Variants in P2RX2 observed in about 807,000 individuals in gnomAD.
P2RX2 encodes the protein purinergic receptor P2X 2.
Under a neutral mutation model 54.8 loss-of-function variants are expected in P2RX2, and 50 were observed. The ratio of observed to expected loss-of-function variants is 0.91; its 90% CI spans 0.73 to 1.15. P2RX2 has a LOEUF of 1.15. P2RX2 is among the 50% of genes most tolerant of loss of function. The pLI is 0.00. For missense variants in P2RX2, 658 were observed against 633.2 expected (o/e 1.04, Z -0.42); for synonymous variants, 289 against 259.4 (o/e 1.11, Z -1.09).
chr12:132,621,419 C>T (rs1270466785), intron 9 of P2RX2, 56 bp from the exon 10 acceptor site: 1 of 1,597,902 alleles, frequency 6.3e-7, no homozygotes, highest in East Asian at 2.2e-5. Context: ...CCACCCCTCC[C>T]TTAAGCCCCA....
chr12:132,620,651 A>G (rs988093136), intron 7 of P2RX2, 68 bp downstream of exon 7: 18 of 1,528,268 alleles, frequency 1.2e-5, no homozygotes, highest in Non-Finnish European at 1.5e-5. Context: ...CCTGGGGTAC[A>G]GGGGACCAGT....
chr12:132,622,287 A>AGGGG lies in P2RX2; in HGVS notation c.*315_*316insGGGG. ...CTGCTCCCGGTCTTGGGCCCTGGGA[A>AGGGG]CCCCACCCCACCCCACCCCACAGGC... is the stretch of plus-strand genomic sequence containing the variant. On this transcript the variant is annotated 3_prime_UTR_variant, in exon 11 of 11. Coordinates refer to ENST00000643471, the MANE Select transcript of P2RX2 (RefSeq NM_170682.4). 3 of 1,077,366 alleles carry AGGGG rather than the reference A, an allele frequency of 2.8e-6. No homozygotes were observed. The highest frequency in any genetic ancestry group is 3.6e-6 in the Non-Finnish European group (3 of 836,324). 66.7% of individuals were successfully genotyped at this position (1,077,366 alleles called of 1,614,324 possible).
chr12:132,621,807 T>G lies in P2RX2; in HGVS notation c.1251T>G (p.Pro417=). Residue 417 remains proline (P), a synonymous_variant, in exon 11 of 11, where the codon CCT becomes CCG. Transcript: ENST00000643471. ...GCTCCGAGGACCAGCACCCCAGCCC[T>G]CCATCAGGCCAGGAGGGCCAACAAG... ...GHRSEDQHPS[P]PSGQEGQQGA... 6.2e-7 allele frequency: 1 copy of G among 1,605,688 alleles called. No individual in the cohort carries two copies. The highest frequency in any genetic ancestry group is 1.1e-5 in the South Asian group (1 of 90,162).
In P2RX2 at chr12:132,621,952, A is replaced by C. The variant is rs1326556794; in HGVS notation, c.1396A>C (p.Lys466Gln). ...CCAAGCCTCCACACCCACAGACCCC[A>C]AAGGTTTGGCTCAACTCTGAGCTCC... Reference protein sequence around the residue: ...PAQASTPTDPKGLAQL With the variant: ...PAQASTPTDPQGLAQL Residue 466 changes from lysine to glutamine, a missense_variant, in exon 11 of 11, where the codon AAA becomes CAA. Lys to Gln is a moderately conservative substitution (Grantham distance 53). Transcript: ENST00000643471. 6.2e-7 allele frequency: 1 copy of C among 1,613,720 alleles called. No homozygotes were observed. Among genetic ancestry groups the C allele is most frequent in the Admixed American group, 1.7e-5 (1 of 60,024 alleles).
Position 132,618,934 on chromosome 12 carries a change from C to A in P2RX2, c.118C>A (p.Arg40Ser), listed in dbSNP as rs747266387. 7.5e-6 allele frequency: 10 copies of A among 1,325,428 alleles called. No homozygotes were observed. Among genetic ancestry groups the A allele is most frequent in the Non-Finnish European group, 7.8e-6 (8 of 1,029,324 alleles). The allele number at this position is 1,325,428 out of a possible 1,614,324, so 82.1% of individuals were successfully genotyped here. A position where few individuals can be genotyped will look rare whatever the true frequency, so the allele number is the denominator to read the frequency against. The change falls in exon 1 of 11, where the codon CGC (arginine) becomes AGC (serine). Residue 40 changes from arginine (R) to serine (S), a missense_variant. Coordinates refer to ENST00000643471, the MANE Select transcript of P2RX2 (RefSeq NM_170682.4). ...CAAGGTGATCGTGGTGAGGAACCGGCGCCTGGGGGTCCTGTACCGCGCCGT... is the reference window on the plus strand; with the variant it reads ...CAAGGTGATCGTGGTGAGGAACCGGAGCCTGGGGGTCCTGTACCGCGCCGT... ...TPKVIVVRNR[R>S]LGVLYRAVQL...
chr12:132,620,875 ACCCGGGC>A (rs1566296652), intron 7 of P2RX2, 119 bp from the exon 8 acceptor site: 3 of 952,228 alleles, frequency 3.2e-6, no homozygotes, highest in Non-Finnish European at 4.2e-6. Context: ...CCTGGGACTG[ACCCGGGC>A]TCTCGAGGGG....
At position 132,621,662 on chromosome 12, in the gene P2RX2, A is replaced by G. The variant is rs113241189; in HGVS notation, c.1106A>G (p.Lys369Arg). The G allele has an allele frequency of 3.1e-6, 5 of 1,613,818 alleles. No homozygotes were observed. ...TGGATCTTGCTAACATTCATGAACA[A>G]AAACAAGGTCTACAGCCATAAGAAA... ...CDWILLTFMN[K>R]NKVYSHKKFD... Residue 369 changes from lysine to arginine, a missense_variant, in exon 11 of 11, where the codon AAA (lysine) becomes AGA (arginine). By Grantham distance (26) the Lys-to-Arg change is conservative. Transcript: ENST00000643471.
intron 9 of P2RX2, 25 bp downstream of exon 9, chr12:132,621,370 T>A: frequency 6.2e-7 from 1 of 1,613,458 alleles, no homozygotes; most frequent in South Asian, 1.1e-5. Context: ...TGGGGGTGGG[T>A]GGCCAGCCCT....
Position 132,621,751 on chromosome 12 carries a change from T to C in P2RX2, c.1195T>C (p.Leu399=). The C allele has an allele frequency of 6.2e-7, 1 of 1,607,736 alleles. No homozygotes were observed. Among genetic ancestry groups the C allele is most frequent in the Non-Finnish European group, 8.5e-7 (1 of 1,176,496 alleles). Residue 399 remains leucine (L), a synonymous_variant, in exon 11 of 11, where the codon TTG becomes CTG. Coordinates refer to ENST00000643471, the MANE Select transcript of P2RX2 (RefSeq NM_170682.4). ...GSWPVTLARV[L]GQAPPEPGHR... Reference sequence around the variant, plus strand: ...CTGGCCTGTGACCCTTGCCCGTGTATTGGGCCAGGCCCCTCCCGAACCCGG... The same window carrying C: ...CTGGCCTGTGACCCTTGCCCGTGTACTGGGCCAGGCCCCTCCCGAACCCGG...
rs1281596429 is a variant in P2RX2, at chr12:132,621,290, C to T, written c.941C>T (p.Thr314Ile). The change falls in exon 9 of 11, where the codon ACC becomes ATC. Residue 314 changes from threonine (T) to isoleucine (I), a missense_variant. By Grantham distance (89) the Thr-to-Ile change is moderately conservative. Coordinates refer to ENST00000643471, the MANE Select transcript of P2RX2 (RefSeq NM_170682.4). ...AKYYKINGTTTRTLIKAYGIR... is the reference protein window; with the variant it reads ...AKYYKINGTTIRTLIKAYGIR... ...TACTACAAGATCAATGGCACCACCACCCGCACGCTCATCAAGGCCTACGGG... is the reference window on the plus strand; with the variant it reads ...TACTACAAGATCAATGGCACCACCATCCGCACGCTCATCAAGGCCTACGGG... 2 of 1,613,954 alleles carry T rather than the reference C, an allele frequency of 1.2e-6. No homozygotes were observed. The highest frequency in any genetic ancestry group is 1.7e-6 in the Non-Finnish European group (2 of 1,179,980).
Position 132,622,153 on chromosome 12 carries a change from G to C in P2RX2, c.*181G>C, listed in dbSNP as rs2041728305. On this transcript the variant is annotated 3_prime_UTR_variant, in exon 11 of 11. Transcript: ENST00000643471. ...TGGCCCCAGGCTTGTGCCCCACCCTGGCATACAGCCCCTGACACCTCCTCC... is the reference window on the plus strand; with the variant it reads ...TGGCCCCAGGCTTGTGCCCCACCCTCGCATACAGCCCCTGACACCTCCTCC... The C allele has an allele frequency of 6.9e-7, 1 of 1,443,480 alleles. No individual in the cohort carries two copies. Among genetic ancestry groups the C allele is most frequent in the Non-Finnish European group, 9.1e-7 (1 of 1,104,734 alleles). The allele number at this position is 1,443,480 out of a possible 1,614,324, so 89.4% of individuals were successfully genotyped here.
In P2RX2 at chr12:132,620,113, G is replaced by C; in HGVS notation, c.554+17G>C. ...CTCTGTCAGGTGCACCTGCGCCCCG[G>C]CCTGGGGCCCAGCCTCCCCTCTGAT... On this transcript the variant is annotated intron_variant, in intron 5 of 10. Coordinates refer to ENST00000643471, the MANE Select transcript of P2RX2 (RefSeq NM_170682.4). 2 of 1,556,344 alleles carry C rather than the reference G, an allele frequency of 1.3e-6. No individual in the cohort carries two copies. The highest frequency in any genetic ancestry group is 1.7e-6 in the Non-Finnish European group (2 of 1,148,408).
chr12:132,621,471 CCAGGCCGGGAAGTT>C lies in P2RX2; in HGVS notation c.997_1010del (p.Ala333ProfsTer7). Reference sequence around the variant, plus strand: ...ATTCTGACCACGACCCCCATTCTCCCCAGGCCGGGAAGTTCAGCCTGATTCCCACCATTATTAAT... The same window carrying C: ...ATTCTGACCACGACCCCCATTCTCCCCAGCCTGATTCCCACCATTATTAAT... On this transcript the variant is annotated splice_acceptor_variant and splice_polypyrimidine_tract_variant and coding_sequence_variant and intron_variant, in exon 10 of 11. Transcript: ENST00000643471. LOFTEE classifies it high-confidence loss of function. 6.4e-7 allele frequency: 1 copy of C among 1,567,566 alleles called. No individual in the cohort carries two copies. Among genetic ancestry groups the C allele is most frequent in the Non-Finnish European group, 8.7e-7 (1 of 1,155,126 alleles).
intron 4 of P2RX2, 34 bp downstream of exon 4, chr12:132,619,953 G>T: frequency 1.3e-6 from 2 of 1,562,588 alleles, no homozygotes; most frequent in Non-Finnish European, 1.7e-6. Context: ...GGGCGGGTGG[G>T]GCAGGGCTGC....
At chr12:132,620,402 G>C in intron 6 of P2RX2, 43 bp from the exon 7 acceptor site, 1 of 1,614,082 alleles carries the variant, frequency 6.2e-7, no homozygotes, top group Non-Finnish European at 8.5e-7. Flanking sequence ...TTCTGGGAAT[G>C]GGGTATTTGG....
chr12:132,620,755 GAC>G (rs2041630990), intron 7 of P2RX2, among the ~76,000 whole-genome samples, 172 bp downstream of exon 7: 1 of 152,198 alleles, frequency 6.6e-6, no homozygotes, highest in African/African-American at 2.4e-5. Flanking sequence ...CTGAATTATT[GAC>G]ACTGGCCATG....
rs1198143288 is a variant in P2RX2, at chr12:132,621,019, A to G, written c.793A>G (p.Ile265Val). The G allele has an allele frequency of 1.2e-6, 2 of 1,614,074 alleles. No homozygotes were observed. The highest frequency in any genetic ancestry group is 2.2e-5 in the East Asian group (1 of 44,854). The change falls in exon 8 of 11, where the codon ATT (isoleucine) becomes GTT (valine). Residue 265 changes from isoleucine to valine, a missense_variant. Transcript: ENST00000643471. Reference protein sequence around the residue: ...LAHKGGVIGVIINWDCDLDLP... With the variant: ...LAHKGGVIGVVINWDCDLDLP... ...TTGGCAGGGTGGTGTCATCGGGGTC[A>G]TTATCAACTGGGACTGTGACCTGGA... is the stretch of plus-strand genomic sequence containing the variant.
At position 132,621,652 on chromosome 12, in the gene P2RX2, T is replaced by C; in HGVS notation, c.1096T>C (p.Phe366Leu). Reference protein sequence around the residue: ...SFLCDWILLTFMNKNKVYSHK... With the variant: ...SFLCDWILLTLMNKNKVYSHK... Reference sequence around the variant, plus strand: ...CCTGTGCGACTGGATCTTGCTAACATTCATGAACAAAAACAAGGTCTACAG... The same window carrying C: ...CCTGTGCGACTGGATCTTGCTAACACTCATGAACAAAAACAAGGTCTACAG... Residue 366 changes from phenylalanine to leucine, a missense_variant, in exon 11 of 11, where the codon TTC becomes CTC. Coordinates refer to ENST00000643471, the MANE Select transcript of P2RX2 (RefSeq NM_170682.4). The C allele has an allele frequency of 6.2e-7, 1 of 1,613,778 alleles. No homozygotes were observed. The highest frequency in any genetic ancestry group is 8.5e-7 in the Non-Finnish European group (1 of 1,179,858).
chr12:132,620,010 T>A lies in P2RX2; in HGVS notation c.468T>A (p.Thr156=), dbSNP rs7964634. The part of the protein sequence containing the change: ...ELDMLGNGLR[T]GRCVPYYQGP... The stretch of plus-strand genomic sequence containing the variant: ...ACCTCTGCCTCCCAGGCCTGAGGAC[T>A]GGGCGCTGTGTGCCCTATTACCAGG... Residue 156 remains threonine (T), a synonymous_variant, in exon 5 of 11, where the codon ACT becomes ACA. Coordinates refer to ENST00000643471, the MANE Select transcript of P2RX2 (RefSeq NM_170682.4). 1 of 1,582,806 alleles carries A rather than the reference T, an allele frequency of 6.3e-7. No homozygotes were observed. The highest frequency in any genetic ancestry group is 8.6e-7 in the Non-Finnish European group (1 of 1,166,110).
Sources: gnomAD v4.1 joint callset for allele counts (sites outside exome capture counted in the v4.1 genomes callset) on GRCh38, gnomAD v4.1.1 for gene constraint, MANE v1.5 for transcripts, NCBI Gene and HGNC (gene_info 2026-07-23, HGNC 2026-07-21) for gene names.